Variants in PDE10A observed in about 807,000 individuals in gnomAD.
PDE10A encodes cAMP and cAMP-inhibited cGMP 3',5'-cyclic phosphodiesterase 10A.
In PDE10A, 39 loss-of-function variants were observed where a neutral mutation model predicts 97.7. The observed-to-expected ratio is 0.40, with a 90% confidence interval of 0.31 to 0.52. The LOEUF is 0.52. PDE10A is among the 20% of genes least tolerant of loss of function. PDE10A has a pLI of 0.56. For synonymous variants in PDE10A, 371 were observed against 376.8 expected (o/e 0.98, Z 0.18); for missense variants, 731 against 1,047.8 (o/e 0.70, Z 4.17).
At chr6:165,947,299 A>C (rs182112414) in intron 1 of PDE10A, 5 of 152,378 alleles carry the variant, frequency 3.3e-5, no homozygotes, top group Admixed American at 2.0e-4. Context: ...TGCTGTGTAC[A>C]TAAAGCCTGG....
intron 3 of PDE10A, among the ~76,000 whole-genome samples, chr6:165,460,695 G>A (rs1391822552): frequency 6.6e-6 from 1 of 152,098 alleles, no homozygotes; most frequent in African/African-American, 2.4e-5. Context: ...GGGCCCGATG[G>A]ACAACCTGGG....
chr6:165,935,650 T>G (rs184146768), intron 1 of PDE10A, among the ~76,000 whole-genome samples: 1 of 152,312 alleles, frequency 6.6e-6, no homozygotes, highest in Admixed American at 6.5e-5. Context: ...TGCTGGAAAC[T>G]TAAATCCCAA....
intron 13 of PDE10A, among the ~76,000 whole-genome samples, chr6:165,402,956 G>A (rs1046959214): frequency 2.0e-5 from 3 of 152,124 alleles, no homozygotes; most frequent in South Asian, 2.1e-4. Context: ...TTTAGGGTCG[G>A]GCAACTCTTA....
At chr6:165,519,271 T>C (rs1781996587) in intron 2 of PDE10A, among the ~76,000 whole-genome samples, 1 of 151,848 alleles carries the variant, frequency 6.6e-6, no homozygotes, top group African/African-American at 2.4e-5. Flanking sequence ...AACAGACCCA[T>C]GGTCTATGGG....
intron 1 of PDE10A, among the ~76,000 whole-genome samples, chr6:165,745,642 G>A (rs1473605097): frequency 6.6e-6 from 1 of 152,072 alleles, no homozygotes; most frequent in Non-Finnish European, 1.5e-5. Flanking sequence ...CTCAAACTTG[G>A]CTTATTAACT....
At chr6:165,487,057 G>A (rs758533495) in intron 2 of PDE10A, among the ~76,000 whole-genome samples, 3 of 152,192 alleles carry the variant, frequency 2.0e-5, no homozygotes, top group African/African-American at 2.4e-5. Context: ...ATGGATCCGC[G>A]ACGCATTTGT....
At chr6:165,438,448 A>C (rs1489307740) in intron 5 of PDE10A, among the ~76,000 whole-genome samples, 5 of 152,208 alleles carry the variant, frequency 3.3e-5, no homozygotes, top group Admixed American at 1.3e-4. Context: ...TCAGCCTCCC[A>C]AAGTGCTGGG....
In PDE10A at chr6:165,942,426, G is replaced by A. The variant is rs182526850; in HGVS notation, c.-615+45103C>T. ...TAGTTACTAAGGATGTTAATAATTT[G>A]TGAGGCATCATCTTTAGTGCCCCTT... On this transcript the variant is annotated intron_variant, in intron 1 of 19. Transcript: ENST00000366882. Among the ~76,000 whole-genome samples the A allele has an allele frequency of 4.6e-5, 7 of 152,238 alleles. No individual in the cohort carries two copies. The East Asian group carries it at 1.4e-3, about 29-fold the overall frequency.
intron 1 of PDE10A, among the ~76,000 whole-genome samples, chr6:165,589,509 T>G (rs1433417022): frequency 6.6e-6 from 1 of 152,226 alleles, no homozygotes; most frequent in East Asian, 1.9e-4. Context: ...GAACCTTTTT[T>G]TAAACTTTGA....
intron 1 of PDE10A, among the ~76,000 whole-genome samples, chr6:165,687,109 A>G (rs1185442786): frequency 6.6e-6 from 1 of 152,196 alleles, no homozygotes; most frequent in African/African-American, 2.4e-5. Flanking sequence ...GCTGCTTCCC[A>G]TCTCCCTCGC....
chr6:165,787,457 G>A (rs58570577), intron 1 of PDE10A, among the ~76,000 whole-genome samples: 8,929 of 152,206 alleles, frequency 0.059, 846 homozygotes, highest in African/African-American at 0.2. Flanking sequence ...AATGATGGAA[G>A]GGATGGATAA....
intron 18 of PDE10A, among the ~76,000 whole-genome samples, chr6:165,347,208 T>C (rs916675681): frequency 2.6e-5 from 4 of 152,138 alleles, no homozygotes; most frequent in Admixed American, 1.3e-4. Flanking sequence ...ATGTGACCTA[T>C]TTTGAGTAAT....
At chr6:165,489,343 A>T (rs913203909) in intron 2 of PDE10A, among the ~76,000 whole-genome samples, 1 of 152,146 alleles carries the variant, frequency 6.6e-6, no homozygotes, top group Non-Finnish European at 1.5e-5. Flanking sequence ...TTCAGAAGAT[A>T]AATAATAATT....
chr6:165,485,974 C>T (rs1381283368), intron 2 of PDE10A, among the ~76,000 whole-genome samples: 1 of 152,202 alleles, frequency 6.6e-6, no homozygotes, highest in Non-Finnish European at 1.5e-5. Context: ...ATCCTGCCTG[C>T]TGCTAAGGAC....
intron 5 of PDE10A, among the ~76,000 whole-genome samples, chr6:165,448,135 T>C (rs559038774): frequency 9.9e-5 from 15 of 152,262 alleles, no homozygotes; most frequent in Non-Finnish European, 1.6e-4. Context: ...AAATCTAAGA[T>C]AGCAATGCCT....
intron 13 of PDE10A, among the ~76,000 whole-genome samples, chr6:165,399,365 C>G (rs914495254): frequency 2.0e-5 from 3 of 152,036 alleles, no homozygotes; most frequent in Non-Finnish European, 4.4e-5. Flanking sequence ...CCTAGAATAG[C>G]CAAAATAACT....
intron 1 of PDE10A, among the ~76,000 whole-genome samples, chr6:165,615,167 ACCACTG>A (rs2128403293): frequency 6.6e-6 from 1 of 150,378 alleles, no homozygotes; most frequent in East Asian, 2.0e-4. Flanking sequence ...CCGAGATCAC[ACCACTG>A]CACTCCAGCC....
At chr6:165,640,043 C>G (rs1230868016) in intron 1 of PDE10A, among the ~76,000 whole-genome samples, 1 of 148,748 alleles carries the variant, frequency 6.7e-6, no homozygotes, top group Non-Finnish European at 1.5e-5. Flanking sequence ...GCACTCAAGC[C>G]TGGGCCATGG....
intron 1 of PDE10A, among the ~76,000 whole-genome samples, chr6:165,563,388 CAAGA>C (rs1352090462): frequency 6.6e-6 from 1 of 152,076 alleles, no homozygotes. Flanking sequence ...ACCACAGGCA[CAAGA>C]AAGTATTGAT....
Sources: allele counts gnomAD v4.1 joint callset (sites outside exome capture counted in the v4.1 genomes callset), GRCh38; gene constraint gnomAD v4.1.1; transcripts MANE v1.5; gene names NCBI Gene and HGNC (gene_info 2026-07-23, HGNC 2026-07-21).